Variants in PDE2A observed in about 807,000 individuals in gnomAD.
PDE2A encodes the protein phosphodiesterase 2A.
PDE2A carries 53 observed loss-of-function variants against 133.6 expected under a neutral mutation model. That is an observed-to-expected ratio of 0.40 (90% CI 0.32 to 0.50). PDE2A has a LOEUF of 0.50. Ranked by LOEUF, PDE2A falls within the 20% of genes least tolerant of loss-of-function variation. PDE2A has a pLI of 0.73. For missense variants in PDE2A, 796 were observed against 1,232.4 expected (o/e 0.65, Z 5.30); for synonymous variants, 491 against 490.2 (o/e 1.00, Z -0.02).
At chr11:72,641,528 A>G (rs1202779817) in intron 2 of PDE2A, among the ~76,000 whole-genome samples, 1 of 152,240 alleles carries the variant, frequency 6.6e-6, no homozygotes, top group African/African-American at 2.4e-5. Context: ...ACCAAATTAG[A>G]GAGCCCAGAA....
Position 72,635,960 on chromosome 11 carries a change from G to A in PDE2A, c.144+6294C>T, listed in dbSNP as rs540839705. 112 of 1,197,386 alleles carry A rather than the reference G, an allele frequency of 9.4e-5. No homozygotes were observed. In the African/African-American group the frequency reaches 1.1e-3, roughly 11 times the overall value. 74.2% of individuals were successfully genotyped at this position (1,197,386 alleles called of 1,614,324 possible). A position where few individuals can be genotyped will look rare whatever the true frequency, so the allele number is the denominator to read the frequency against. On this transcript the variant is annotated intron_variant, in intron 2 of 30. Transcript: ENST00000334456. Reference sequence around the variant, plus strand: ...CCTTCCCGCTCCCCCTCCACACCACGAGATCTCAGCCCCTCTTACCCTGAG... The same window carrying A: ...CCTTCCCGCTCCCCCTCCACACCACAAGATCTCAGCCCCTCTTACCCTGAG...
rs1292045812 is a variant in PDE2A at position 72,579,287 on chromosome 11, C to T, written c.2353G>A (p.Glu785Lys). The T allele has an allele frequency of 1.2e-6, 2 of 1,607,624 alleles. No homozygotes were observed. Among genetic ancestry groups the T allele is most frequent in the Non-Finnish European group, 1.7e-6 (2 of 1,174,418 alleles). The change falls in exon 27 of 31, where the codon GAG (glutamate) becomes AAG (lysine). Residue 785 changes from glutamate to lysine, a missense_variant. Around this residue, in one of 7 missense-constraint regions of PDE2A, gnomAD observed 218 missense variants for 465.9 expected, o/e 0.47. Coordinates refer to ENST00000334456, the MANE Select transcript of PDE2A (RefSeq NM_002599.5). ...RIFKDLQKMAEVGYDRNNKQH... is the reference protein window; with the variant it reads ...RIFKDLQKMAKVGYDRNNKQH... ...GACTGGGGCTAACAGCAGTCACCCTCAGCCATCTTCTGGAGGTCCTTGAAG... is the reference window on the plus strand; with the variant it reads ...GACTGGGGCTAACAGCAGTCACCCTTAGCCATCTTCTGGAGGTCCTTGAAG...
chr11:72,614,351 C>T (rs115243821), intron 2 of PDE2A, among the ~76,000 whole-genome samples: 253 of 152,282 alleles, frequency 1.7e-3, no homozygotes, highest in African/African-American at 5.9e-3. Context: ...GAGGCTTAGT[C>T]TGAAGGAGGA....
At chr11:72,589,869 A>T (rs746482775) in intron 10 of PDE2A, 38 bp downstream of exon 10, 1 of 1,608,788 alleles carries the variant, frequency 6.2e-7, no homozygotes, top group East Asian at 2.2e-5. Context: ...TTCCTCGCCC[A>T]GCCCCGCCCC....
At chr11:72,641,882 C>G (rs1419178426) in intron 2 of PDE2A, among the ~76,000 whole-genome samples, 1 of 152,118 alleles carries the variant, frequency 6.6e-6, no homozygotes, top group Non-Finnish European at 1.5e-5. Context: ...TTCAGGTGCT[C>G]CAGGTGTGCC....
chr11:72,658,559 C>CT (rs1258859184), intron 1 of PDE2A, among the ~76,000 whole-genome samples: 1 of 151,958 alleles, frequency 6.6e-6, no homozygotes, highest in Non-Finnish European at 1.5e-5. Context: ...TCTTGAACTC[C>CT]TGGCCTCAAG....
chr11:72,633,065 C>T (rs977981548), intron 2 of PDE2A, among the ~76,000 whole-genome samples: 5 of 152,218 alleles, frequency 3.3e-5, no homozygotes, highest in African/African-American at 1.2e-4. Flanking sequence ...TGCACCAACC[C>T]GCCAATAACC....
chr11:72,637,007 C>T (rs747867538), intron 2 of PDE2A, among the ~76,000 whole-genome samples: 2 of 152,200 alleles, frequency 1.3e-5, no homozygotes, highest in Non-Finnish European at 2.9e-5. Flanking sequence ...CACCCAGGGG[C>T]CTGCTCCATG....
intron 2 of PDE2A, among the ~76,000 whole-genome samples, chr11:72,626,033 T>G (rs1196314309): frequency 1.3e-5 from 2 of 152,256 alleles, no homozygotes; most frequent in Non-Finnish European, 2.9e-5. Context: ...CCTGCGCCTC[T>G]ATGCCAGCTC....
At chr11:72,655,348 G>A (rs1226875525) in intron 1 of PDE2A, among the ~76,000 whole-genome samples, 20 of 6,678 alleles carry the variant, frequency 3.0e-3, no homozygotes, top group Admixed American at 0.013. Flanking sequence ...GCCAGGGTGA[G>A]GCAGCCTGGG....
chr11:72,604,176 G>A (rs1400964574), intron 4 of PDE2A, among the ~76,000 whole-genome samples: 2 of 152,206 alleles, frequency 1.3e-5, no homozygotes. Context: ...TGCTTAGCAG[G>A]CAATGGCCAC....
intron 1 of PDE2A, among the ~76,000 whole-genome samples, chr11:72,660,255 A>T (rs1250228057): frequency 6.6e-6 from 1 of 152,222 alleles, no homozygotes; most frequent in Non-Finnish European, 1.5e-5. Context: ...TTAAAAATAA[A>T]TTCAGAAAAA....
At chr11:72,593,151 C>T (rs1856325683) in intron 6 of PDE2A, among the ~76,000 whole-genome samples, 1 of 150,260 alleles carries the variant, frequency 6.7e-6, no homozygotes. Flanking sequence ...CACACACATG[C>T]ACTTACACTC....
chr11:72,623,495 C>T (rs1357840993), intron 2 of PDE2A, among the ~76,000 whole-genome samples: 2 of 152,234 alleles, frequency 1.3e-5, no homozygotes, highest in East Asian at 3.9e-4. Flanking sequence ...GGTCCACGAC[C>T]TTAACAAACC....
chr11:72,622,444 A>G (rs982136733), intron 2 of PDE2A, among the ~76,000 whole-genome samples: 1 of 152,248 alleles, frequency 6.6e-6, no homozygotes, highest in African/African-American at 2.4e-5. Context: ...CTAAAATGTG[A>G]AAGCAACCCA....
intron 1 of PDE2A, among the ~76,000 whole-genome samples, chr11:72,655,761 G>A (rs990489492): frequency 6.6e-6 from 1 of 152,170 alleles, no homozygotes; most frequent in South Asian, 2.1e-4. Context: ...CTACACGAGA[G>A]CTTTTATTAG....
intron 2 of PDE2A, among the ~76,000 whole-genome samples, chr11:72,618,142 A>G (rs1354170030): frequency 2.6e-5 from 4 of 152,174 alleles, no homozygotes; most frequent in African/African-American, 9.7e-5. Context: ...TGCTCAGCAC[A>G]CAGCCTGGAG....
chr11:72,627,236 C>G (rs1055203839), intron 2 of PDE2A, among the ~76,000 whole-genome samples: 3 of 152,252 alleles, frequency 2.0e-5, no homozygotes, highest in African/African-American at 7.2e-5. Flanking sequence ...ACAAAGGAGA[C>G]TCAGTCTCAG....
In PDE2A at chr11:72,620,633, G is replaced by A. The variant is rs181248817; in HGVS notation, c.145-11882C>T. Among the ~76,000 whole-genome samples the A allele has an allele frequency of 1.4e-3, 215 of 152,238 alleles. 2 individuals carry two copies. The highest frequency in any genetic ancestry group is 6.8e-3 in the Middle Eastern group (2 of 294). ...ACTTTGACACCTGTGCCTCAGCTGCGGGTATGGACTCCTATCCACCCCCAC... is the reference window on the plus strand; with the variant it reads ...ACTTTGACACCTGTGCCTCAGCTGCAGGTATGGACTCCTATCCACCCCCAC... On this transcript the variant is annotated intron_variant, in intron 2 of 30. Transcript: ENST00000334456.
Sources: allele counts gnomAD v4.1 joint callset (sites outside exome capture counted in the v4.1 genomes callset), GRCh38; gene constraint gnomAD v4.1.1; regional missense constraint gnomAD v4.1.1; transcripts MANE v1.5; gene names NCBI Gene and HGNC (gene_info 2026-07-23, HGNC 2026-07-21).